Variants in RORB observed in about 807,000 individuals in gnomAD.
RORB encodes the protein nuclear receptor ROR-beta.
RORB carries 6 observed loss-of-function variants against 59.1 expected under a neutral mutation model. The ratio of observed to expected loss-of-function variants is 0.10; its 90% confidence interval spans 0.06 to 0.20. The LOEUF is 0.20. Ranked by LOEUF, RORB falls within the 10% of genes least tolerant of loss-of-function variation. The pLI is 1.00. For synonymous variants in RORB, 215 were observed against 204.5 expected (o/e 1.05, Z -0.44); for missense variants, 320 against 560.5 (o/e 0.57, Z 4.33).
In RORB at chr9:74,634,702, C is replaced by T. The variant is rs1195240277; in HGVS notation, c.165C>T (p.Asp55=). ...CAAGGCAGAGAAACTGTTTAATTGA[C>T]AGAACGAACAGAAACCGTTGCCAAC... ...SCPRQRNCLI[D]RTNRNRCQHC... The change falls in exon 3 of 10, where the codon GAC becomes GAT. Residue 55 remains aspartate, a synonymous_variant. Transcript: ENST00000376896. 6.2e-7 allele frequency: 1 copy of T among 1,613,650 alleles called. No individual in the cohort carries two copies. The highest frequency in any genetic ancestry group is 1.7e-5 in the Admixed American group (1 of 59,948).
At chr9:74,572,290 AT>A in intron 1 of RORB, among the ~76,000 whole-genome samples, 1 of 152,284 alleles carries the variant, frequency 6.6e-6, no homozygotes, top group Middle Eastern at 3.4e-3. Flanking sequence ...ATGAAAAAAA[AT>A]ATTATGGTCA....
At chr9:74,578,330 G>C (rs1409346079) in intron 1 of RORB, among the ~76,000 whole-genome samples, 1 of 152,102 alleles carries the variant, frequency 6.6e-6, no homozygotes, top group Admixed American at 6.6e-5. Flanking sequence ...AAAGAAAGCA[G>C]TAAATGTTTA....
chr9:74,668,503 A>G lies in RORB; in HGVS notation c.1111+602A>G, dbSNP rs556952548. ...TCTGCATGTAACTTCTGACTCCGAA[A>G]AATTTCACTACCAATAGCTTACTGT... On this transcript the variant is annotated intron_variant, in intron 8 of 9. Coordinates refer to ENST00000376896, the MANE Select transcript of RORB (RefSeq NM_006914.4). 7.2e-5 allele frequency among the ~76,000 whole-genome samples: 11 copies of G among 152,310 alleles called. No homozygotes were observed. In the South Asian group the frequency reaches 2.1e-3, roughly 29 times the overall value.
Position 74,685,648 on chromosome 9 carries a change from G to A in RORB, c.*30G>A, listed in dbSNP as rs144902615. ...GACAAGAGAACTGTCTCATAGTCAT[G>A]GAATGCATCACCATTAAGACAAAAG... On this transcript the variant is annotated 3_prime_UTR_variant, in exon 10 of 10. Transcript: ENST00000376896. 1.2e-3 allele frequency: 1,861 copies of A among 1,517,444 alleles called. 12 individuals are homozygous for A. Among genetic ancestry groups the A allele is most frequent in the South Asian group, 6.6e-3 (514 of 77,338 alleles). The allele number at this position is 1,517,444 out of a possible 1,614,324, so 94.0% of individuals were successfully genotyped here.
chr9:74,566,761 C>T (rs1004442495), intron 1 of RORB, among the ~76,000 whole-genome samples: 8 of 152,082 alleles, frequency 5.3e-5, no homozygotes, highest in African/African-American at 1.4e-4. Context: ...GGTGCCACTG[C>T]GCTCCAACCT....
At chr9:74,675,587 A>T (rs1824423912) in intron 9 of RORB, among the ~76,000 whole-genome samples, 1 of 152,226 alleles carries the variant, frequency 6.6e-6, no homozygotes. Context: ...TGTTATAAAA[A>T]GTGAAGAAAA....
At chr9:74,631,980 A>G (rs1245330422) in intron 2 of RORB, among the ~76,000 whole-genome samples, 1 of 152,204 alleles carries the variant, frequency 6.6e-6, no homozygotes, top group East Asian at 1.9e-4. Flanking sequence ...TATTTCTACC[A>G]TTCTATTGGC....
At chr9:74,519,148 G>T (rs778437564) in intron 1 of RORB, among the ~76,000 whole-genome samples, 1 of 151,924 alleles carries the variant, frequency 6.6e-6, no homozygotes, top group African/African-American at 2.4e-5. Context: ...AAGCTCAAAG[G>T]CCTGAAAACT....
intron 4 of RORB, 146 bp downstream of exon 4, chr9:74,642,961 A>G (rs1206872064): frequency 1.8e-6 from 1 of 559,190 alleles, no homozygotes; most frequent in African/African-American, 1.9e-5. Flanking sequence ...TGATTTTTAA[A>G]TATATTCTAA....
intron 1 of RORB, among the ~76,000 whole-genome samples, chr9:74,573,292 G>T (rs550433050): frequency 2.6e-5 from 4 of 151,724 alleles, no homozygotes; most frequent in Admixed American, 2.6e-4. Flanking sequence ...TCAATGAGGG[G>T]CCAATCAGCC....
intron 1 of RORB, among the ~76,000 whole-genome samples, chr9:74,525,277 G>GT (rs1826141101): frequency 6.6e-6 from 1 of 151,820 alleles, no homozygotes; most frequent in African/African-American, 2.4e-5. Context: ...AGAGTTGGAG[G>GT]TTATATTGAT....
chr9:74,559,302 G>A (rs1468861717), intron 1 of RORB, among the ~76,000 whole-genome samples: 1 of 152,060 alleles, frequency 6.6e-6, no homozygotes, highest in African/African-American at 2.4e-5. Context: ...CCCGGAAGAG[G>A]TAGAGTGAAT....
chr9:74,518,305 C>T (rs560072182), intron 1 of RORB, among the ~76,000 whole-genome samples: 103 of 152,102 alleles, frequency 6.8e-4, no homozygotes, highest in African/African-American at 2.4e-3. Context: ...CGTTCAAAAA[C>T]ATTGCAAAGC....
At chr9:74,606,026 T>C (rs565987544) in intron 1 of RORB, among the ~76,000 whole-genome samples, 1 of 152,296 alleles carries the variant, frequency 6.6e-6, no homozygotes, top group South Asian at 2.1e-4. Flanking sequence ...GAATCGCCAA[T>C]CTAAAGTTCC....
intron 1 of RORB, among the ~76,000 whole-genome samples, chr9:74,618,935 T>C (rs1427503311): frequency 6.6e-6 from 1 of 152,190 alleles, no homozygotes; most frequent in Admixed American, 6.5e-5. Context: ...TAGTGAATAA[T>C]ACTTGGTTGA....
rs1486049609 is a variant in RORB at position 74,642,773 on chromosome 9, A to C, written c.595A>C (p.Asn199His). ...VPNLFTYSSF[N>H]NGQLAPGITM... ...CAACTTGTTTACCTATAGCTCTTTC[A>C]ACAATGGGCAGTTAGCACCAGGGAT... Residue 199 changes from asparagine to histidine, a missense_variant, in exon 4 of 10, where the codon AAC becomes CAC. Asn to His is a moderately conservative substitution (Grantham distance 68). Transcript: ENST00000376896. 1 of 1,609,028 alleles carries C rather than the reference A, an allele frequency of 6.2e-7. No individual in the cohort carries two copies. Among genetic ancestry groups the C allele is most frequent in the Non-Finnish European group, 8.5e-7 (1 of 1,176,170 alleles).
In RORB at chr9:74,660,389, T is replaced by G. The variant is rs141961451; in HGVS notation, c.638-228T>G. On this transcript the variant is annotated intron_variant, in intron 4 of 9. Transcript: ENST00000376896. ...GTTTCCAACTTGTAAAACCCCTAAG[T>G]TGTGATCAAAAGACCTGGGGGAAAG... is the stretch of plus-strand genomic sequence containing the variant. Among the ~76,000 whole-genome samples, 503 of 152,240 alleles carry G rather than the reference T, an allele frequency of 3.3e-3. 2 individuals carry two copies. The highest frequency in any genetic ancestry group is 0.012 in the African/African-American group (482 of 41,544).
intron 9 of RORB, among the ~76,000 whole-genome samples, chr9:74,681,418 T>C (rs2118573432): frequency 6.6e-6 from 1 of 152,278 alleles, no homozygotes; most frequent in East Asian, 1.9e-4. Context: ...GGCACTTCTG[T>C]TTCCACAGCC....
At chr9:74,633,525 A>G (rs868541763) in intron 2 of RORB, among the ~76,000 whole-genome samples, 1 of 152,194 alleles carries the variant, frequency 6.6e-6, no homozygotes, top group South Asian at 2.1e-4. Flanking sequence ...GACACATTGC[A>G]CTTTTCCTTT....
Sources: gnomAD v4.1 joint callset for allele counts (sites outside exome capture counted in the v4.1 genomes callset) on GRCh38, gnomAD v4.1.1 for gene constraint, MANE v1.5 for transcripts, NCBI Gene and HGNC (gene_info 2026-07-23, HGNC 2026-07-21) for gene names.